OLA1: variants seen among roughly 807,000 people sequenced by gnomAD.
OLA1 encodes Obg like ATPase 1.
Under a neutral mutation model 48.4 loss-of-function variants are expected in OLA1, and 14 were observed. The ratio of observed to expected loss-of-function variants is 0.29; its 90% CI spans 0.19 to 0.45. The LOEUF is 0.45. Among genes scored for constraint, OLA1 ranks in the 20% least tolerant of loss-of-function variants. The pLI, the probability that OLA1 is intolerant of heterozygous loss-of-function variation, is 1.00. For synonymous variants in OLA1, 127 were observed against 150.4 expected, an observed-to-expected ratio of 0.84 and a Z score of 1.14; for missense variants, 325 against 467.1, an observed-to-expected ratio of 0.70 and a Z score of 2.80.
intron 4 of OLA1, among the ~76,000 whole-genome samples, chr2:174,197,673 T>C (rs757682001): frequency 3.3e-5 from 5 of 152,140 alleles, no homozygotes; most frequent in African/African-American, 9.7e-5. Context: ...AGGGTGACAA[T>C]TGCTGTAGTT....
intron 7 of OLA1, among the ~76,000 whole-genome samples, chr2:174,113,621 T>C (rs967650676): frequency 1.3e-5 from 2 of 152,246 alleles, no homozygotes; most frequent in African/African-American, 4.8e-5. Context: ...TTGAGAATTG[T>C]TCTTTTTAAC....
chr2:174,076,058 T>C (rs1684729104), intron 10 of OLA1, among the ~76,000 whole-genome samples: 1 of 152,216 alleles, frequency 6.6e-6, no homozygotes, highest in East Asian at 1.9e-4. Flanking sequence ...GTCTTGACAA[T>C]GTGTATACAT....
chr2:174,221,311 T>C (rs16862482), intron 4 of OLA1, among the ~76,000 whole-genome samples: 19,349 of 152,144 alleles, frequency 0.13, 1,446 homozygotes, highest in East Asian at 0.21. Context: ...GAATATTATG[T>C]AAGAAACAAC....
chr2:174,190,543 T>C (rs937868779), intron 4 of OLA1, among the ~76,000 whole-genome samples: 5 of 151,666 alleles, frequency 3.3e-5, no homozygotes, highest in Non-Finnish European at 7.4e-5. Flanking sequence ...TATATTTATA[T>C]ATTTTATAGA....
chr2:174,129,866 T>A (rs1292903606), intron 5 of OLA1, among the ~76,000 whole-genome samples: 1 of 152,204 alleles, frequency 6.6e-6, no homozygotes, highest in African/African-American at 2.4e-5. Flanking sequence ...TCACTCTTAT[T>A]CTGTAATAAT....
At chr2:174,140,876 C>T (rs530348523) in intron 5 of OLA1, among the ~76,000 whole-genome samples, 1 of 152,154 alleles carries the variant, frequency 6.6e-6, no homozygotes, top group African/African-American at 2.4e-5. Context: ...CATTTACATA[C>T]TGTGTGTTGG....
intron 7 of OLA1, among the ~76,000 whole-genome samples, chr2:174,089,746 A>T (rs1309088211): frequency 6.6e-6 from 1 of 151,926 alleles, no homozygotes; most frequent in Non-Finnish European, 1.5e-5. Flanking sequence ...TACAAAAAAT[A>T]CAAAAATTAT....
At position 174,107,262 on chromosome 2, in the gene OLA1, T is replaced by G. The variant is rs547996179; in HGVS notation, c.728+15918A>C. On this transcript the variant is annotated intron_variant, in intron 7 of 10. Transcript: ENST00000284719. ...TCTACTGACTCACATTTTACTTGGGTACTTTATAATTAAAAGTATTTAAGA... is the reference window on the plus strand; with the variant it reads ...TCTACTGACTCACATTTTACTTGGGGACTTTATAATTAAAAGTATTTAAGA... 2.6e-5 allele frequency among the ~76,000 whole-genome samples: 4 copies of G among 152,314 alleles called. No individual in the cohort carries two copies. In the East Asian group the frequency reaches 7.7e-4, roughly 29 times the overall value.
chr2:174,104,596 A>T (rs1354632751), intron 7 of OLA1, among the ~76,000 whole-genome samples: 5 of 152,054 alleles, frequency 3.3e-5, no homozygotes, highest in Admixed American at 3.3e-4. Context: ...ATACCAGCAT[A>T]ACTACTTAAA....
At position 174,223,023 on chromosome 2, in the gene OLA1, C is replaced by CT; in HGVS notation, c.373+9dup. ...ATGAAATCAATGATTAAATAAACAACTGTACTTACGTGTTAGATGAAAGAT... is the reference window on the plus strand; with the variant it reads ...ATGAAATCAATGATTAAATAAACAACTTGTACTTACGTGTTAGATGAAAGAT... On this transcript the variant is annotated intron_variant, in intron 4 of 10. Transcript: ENST00000284719. 6.2e-7 allele frequency: 1 copy of CT among 1,601,728 alleles called. No individual in the cohort carries two copies. Among genetic ancestry groups the CT allele is most frequent in the Non-Finnish European group, 8.5e-7 (1 of 1,174,552 alleles).
At chr2:174,095,794 T>C (rs998046695) in intron 7 of OLA1, among the ~76,000 whole-genome samples, 1 of 152,182 alleles carries the variant, frequency 6.6e-6, no homozygotes, top group African/African-American at 2.4e-5. Context: ...AGAGGTCCAG[T>C]ATCCAGAATA....
chr2:174,180,432 G>GT (rs139520054), intron 4 of OLA1, among the ~76,000 whole-genome samples: 113 of 152,284 alleles, frequency 7.4e-4, no homozygotes, highest in African/African-American at 2.5e-3. Flanking sequence ...TTGTATGTGT[G>GT]TTAGTGCTCT....
At chr2:174,238,515 A>G (rs1360287753) in intron 2 of OLA1, among the ~76,000 whole-genome samples, 3 of 144,514 alleles carry the variant, frequency 2.1e-5, no homozygotes, top group Non-Finnish European at 4.6e-5. Context: ...AAAAAAAAAG[A>G]GAAAAAACAC....
At chr2:174,126,953 A>G (rs1334215681) in intron 5 of OLA1, among the ~76,000 whole-genome samples, 1 of 152,234 alleles carries the variant, frequency 6.6e-6, no homozygotes, top group Non-Finnish European at 1.5e-5. Context: ...TTCTAATCTT[A>G]ACATTCTGCA....
At chr2:174,220,778 A>G (rs1455680410) in intron 4 of OLA1, among the ~76,000 whole-genome samples, 1 of 152,242 alleles carries the variant, frequency 6.6e-6, no homozygotes, top group Non-Finnish European at 1.5e-5. Flanking sequence ...AATTTTTAAA[A>G]ATTAATCAAA....
intron 4 of OLA1, among the ~76,000 whole-genome samples, chr2:174,222,270 T>C (rs974420038): frequency 3.3e-5 from 5 of 152,170 alleles, no homozygotes; most frequent in Non-Finnish European, 7.4e-5. Context: ...TTAGTCAAAT[T>C]GCTATATTTT....
At chr2:174,134,972 T>C (rs545694907) in intron 5 of OLA1, among the ~76,000 whole-genome samples, 32 of 151,806 alleles carry the variant, frequency 2.1e-4, no homozygotes, top group African/African-American at 7.7e-4. Context: ...CCATCCTGGC[T>C]AACATGGTGA....
intron 4 of OLA1, among the ~76,000 whole-genome samples, chr2:174,219,912 A>C (rs1370185709): frequency 6.6e-6 from 1 of 152,074 alleles, no homozygotes; most frequent in Non-Finnish European, 1.5e-5. Context: ...TGGGCATATC[A>C]CTTGAGGTGA....
intron 7 of OLA1, among the ~76,000 whole-genome samples, chr2:174,082,693 T>C (rs1310850595): frequency 2.0e-5 from 3 of 152,024 alleles, no homozygotes; most frequent in Admixed American, 1.3e-4. Flanking sequence ...ACAAGAATAA[T>C]AGAACTGCAG....
Sources: allele counts gnomAD v4.1 joint callset (sites outside exome capture counted in the v4.1 genomes callset), GRCh38; gene constraint gnomAD v4.1.1; transcripts MANE v1.5; gene names NCBI Gene and HGNC (gene_info 2026-07-23, HGNC 2026-07-21).